UGT1A10: variants seen among roughly 807,000 people sequenced by gnomAD.
UGT1A10 encodes the protein UDP-glucuronosyltransferase 1A10.
UGT1A10 carries 49 observed loss-of-function variants against 45.8 expected under a neutral mutation model. The ratio of observed to expected loss-of-function variants is 1.07; its 90% CI spans 0.85 to 1.36. The LOEUF is 1.36. Ranked by LOEUF, UGT1A10 falls within the 40% of genes most tolerant of loss-of-function variation. The pLI, the probability that UGT1A10 is intolerant of heterozygous loss-of-function variation, is 0.00. For missense variants in UGT1A10, 745 were observed against 668.6 expected, an observed-to-expected ratio of 1.11 and a Z score of -1.26; for synonymous variants, 284 against 249.7, an observed-to-expected ratio of 1.14 and a Z score of -1.29.
chr2:233,701,221 T>G (rs910268891), intron 1 of UGT1A10, among the ~76,000 whole-genome samples: 4 of 152,182 alleles, frequency 2.6e-5, no homozygotes, highest in Non-Finnish European at 4.4e-5. Context: ...TTATAATCCT[T>G]TGGGTATATA....
chr2:233,666,241 G>A (rs887661778), intron 1 of UGT1A10, among the ~76,000 whole-genome samples: 7 of 152,262 alleles, frequency 4.6e-5, no homozygotes, highest in South Asian at 2.1e-4. Context: ...CTGGGAGGGG[G>A]CACTAGGTCA....
chr2:233,767,889 C>T lies in UGT1A10; in HGVS notation c.1028C>T (p.Ala343Val), dbSNP rs201372184. The change falls in exon 3 of 5, where the codon GCG becomes GTG. Residue 343 changes from alanine (A) to valine (V), a missense_variant. Ala to Val is a moderately conservative substitution (Grantham distance 64). Transcript: ENST00000344644. The part of the protein sequence containing the change: ...RYTGTRPSNL[A>V]NNTILVKWLP... Reference sequence around the variant, plus strand: ...ACTGGAACCCGACCATCGAATCTTGCGAACAACACGATACTTGTTAAGTGG... The same window carrying T: ...ACTGGAACCCGACCATCGAATCTTGTGAACAACACGATACTTGTTAAGTGG... 8.3e-5 allele frequency: 134 copies of T among 1,614,018 alleles called. No homozygotes were observed. Among genetic ancestry groups the T allele is most frequent in the Middle Eastern group, 1.6e-4 (1 of 6,084 alleles).
chr2:233,639,685 TCTC>T lies in UGT1A10; in HGVS notation c.855+2311_855+2313del, dbSNP rs201132131. Reference sequence around the variant, plus strand: ...TTCTTGAAGATCTCCTGTAACAAAATCTCCTTGAGTCTATCCAGGAGAATTACA... The same window carrying T: ...TTCTTGAAGATCTCCTGTAACAAAATCTTGAGTCTATCCAGGAGAATTACA... On this transcript the variant is annotated intron_variant, in intron 1 of 4. Transcript: ENST00000344644. Among the ~76,000 whole-genome samples, 1,300 of 152,270 alleles carry T rather than the reference TCTC, an allele frequency of 8.5e-3. 26 individuals carry two copies. Among genetic ancestry groups the T allele is most frequent in the African/African-American group, 0.03 (1,232 of 41,554 alleles).
chr2:233,760,383 G>A (rs1029837369), intron 1 of UGT1A10: 1 of 1,614,062 alleles, frequency 6.2e-7, no homozygotes, highest in African/African-American at 1.3e-5. Flanking sequence ...AGATACTGTT[G>A]ATCCCAGTGG....
In UGT1A10 at chr2:233,769,637, G is replaced by T; in HGVS notation, c.1295+1198G>T. On this transcript the variant is annotated intron_variant, in intron 4 of 4. Transcript: ENST00000344644. The surrounding 1 kb of genome is among the most constrained non-coding windows in gnomAD (Gnocchi z 4.4). ...GCTTGAGCAAGGGACAACAGGGGAG[G>T]ACTGATGACTGACTTCCCACCTTTG... is the stretch of plus-strand genomic sequence containing the variant. The T allele has an allele frequency of 1.2e-6, 2 of 1,610,100 alleles. No homozygotes were observed. The highest frequency in any genetic ancestry group is 2.2e-5 in the South Asian group (2 of 90,570).
chr2:233,669,255 A>AT (rs35555682), intron 1 of UGT1A10, among the ~76,000 whole-genome samples: 87,852 of 150,870 alleles, frequency 0.58, 25,653 homozygotes, highest in South Asian at 0.64. Context: ...ATTGCTCTCC[A>AT]TTTTTTTTTC....
At chr2:233,747,232 G>A in intron 1 of UGT1A10, 1 of 1,605,196 alleles carries the variant, frequency 6.2e-7, no homozygotes, top group Non-Finnish European at 8.5e-7. Context: ...AGGACCCCAG[G>A]TTCCCCTGCT....
intron 1 of UGT1A10, among the ~76,000 whole-genome samples, chr2:233,722,610 G>T (rs1001116668): frequency 5.9e-5 from 9 of 152,028 alleles, no homozygotes; most frequent in Non-Finnish European, 1.3e-4. Context: ...CTTTACATTT[G>T]ATTTTTCTTA....
intron 4 of UGT1A10, among the ~76,000 whole-genome samples, chr2:233,771,796 C>G (rs373628815): frequency 4.6e-5 from 7 of 151,828 alleles, no homozygotes; most frequent in African/African-American, 1.7e-4. Flanking sequence ...CCCTCCCTCC[C>G]TCCCTCCCTT....
chr2:233,662,076 A>T (rs2073982086), intron 1 of UGT1A10, among the ~76,000 whole-genome samples: 1 of 152,222 alleles, frequency 6.6e-6, no homozygotes, highest in Non-Finnish European at 1.5e-5. Context: ...ATAGTACAGT[A>T]GGCACAGTTA....
At chr2:233,672,810 C>G (rs746379415) in intron 1 of UGT1A10, 1 of 1,605,968 alleles carries the variant, frequency 6.2e-7, no homozygotes, top group Non-Finnish European at 8.5e-7. Context: ...TCTCCTTTAG[C>G]ACCTTAAGAA....
intron 1 of UGT1A10, among the ~76,000 whole-genome samples, chr2:233,667,512 A>C (rs1353109684): frequency 1.3e-5 from 2 of 152,246 alleles, no homozygotes. Flanking sequence ...CAGTGGCAAC[A>C]AAAGCCAAAA....
At chr2:233,653,979 A>C (rs1158544675) in intron 1 of UGT1A10, among the ~76,000 whole-genome samples, 1 of 152,246 alleles carries the variant, frequency 6.6e-6, no homozygotes, top group East Asian at 1.9e-4. Flanking sequence ...TTGTACGTAC[A>C]TGCCTAATGC....
At chr2:233,744,493 T>G (rs1190368915) in intron 1 of UGT1A10, among the ~76,000 whole-genome samples, 2 of 152,058 alleles carry the variant, frequency 1.3e-5, no homozygotes, top group Admixed American at 1.3e-4. Context: ...GGCAATTTAG[T>G]AAGAATAAAC....
intron 1 of UGT1A10, among the ~76,000 whole-genome samples, chr2:233,764,010 C>T (rs956490955): frequency 8.5e-5 from 13 of 152,216 alleles, no homozygotes; most frequent in Admixed American, 5.2e-4. Context: ...CACAGATGAC[C>T]CACATGGTGT....
intron 1 of UGT1A10, among the ~76,000 whole-genome samples, chr2:233,726,525 T>C (rs979255090): frequency 7.9e-5 from 12 of 152,244 alleles, no homozygotes; most frequent in Non-Finnish European, 1.5e-4. Context: ...TTTCCACTTT[T>C]AGGGAGATGC....
At chr2:233,768,098 G>A in intron 3 of UGT1A10, 122 bp from the exon 4 acceptor site, 1 of 1,590,736 alleles carries the variant, frequency 6.3e-7, no homozygotes, top group Non-Finnish European at 8.6e-7. Context: ...ATTTTCTTCT[G>A]CAAATTTCTG....
rs6735370 is a variant in UGT1A10 at position 233,743,982 on chromosome 2, C to A, written c.856-23052C>A. 7.7e-6 allele frequency: 10 copies of A among 1,297,000 alleles called. 1 individual carries two copies. The highest frequency in any genetic ancestry group is 4.6e-5 in the African/African-American group (3 of 65,422). The allele number at this position is 1,297,000 out of a possible 1,614,324, so 80.3% of individuals were successfully genotyped here. The stretch of plus-strand genomic sequence containing the variant: ...AGCGGCAAGGCTGCCAGCACCCAGG[C>A]GCAGGCCCGAGTGCTCGGAGACCTG... On this transcript the variant is annotated intron_variant, in intron 1 of 4. Transcript: ENST00000344644.
chr2:233,640,979 G>T (rs547549613), intron 1 of UGT1A10, among the ~76,000 whole-genome samples: 71 of 152,196 alleles, frequency 4.7e-4, no homozygotes, highest in African/African-American at 1.7e-3. Flanking sequence ...TAGCCCTCCT[G>T]CAAAAATAAC....
Sources: allele counts gnomAD v4.1 joint callset (sites outside exome capture counted in the v4.1 genomes callset), GRCh38; gene constraint gnomAD v4.1.1; non-coding constraint Gnocchi (gnomAD v3.1); transcripts MANE v1.5; gene names NCBI Gene and HGNC (gene_info 2026-07-23, HGNC 2026-07-21).